Variants in RORA observed in about 807,000 individuals in gnomAD.
RORA encodes nuclear receptor ROR-alpha.
A neutral mutation model predicts 69.5 loss-of-function variants in RORA; 7 were observed. The observed-to-expected ratio is 0.10, with a 90% CI of 0.06 to 0.19. RORA has a LOEUF of 0.19. RORA is among the 10% of genes least tolerant of loss of function. The pLI is 1.00. For missense variants in RORA, 457 were observed against 663.0 expected (o/e 0.69, Z 3.41); for synonymous variants, 261 against 240.8 (o/e 1.08, Z -0.78).
At chr15:60,800,557 G>A (rs2072565349) in intron 1 of RORA, among the ~76,000 whole-genome samples, 1 of 152,196 alleles carries the variant, frequency 6.6e-6, no homozygotes, top group Non-Finnish European at 1.5e-5. Context: ...GGCTGGGACA[G>A]CACTGTGAGA....
At chr15:61,127,823 C>G (rs899538175) in intron 1 of RORA, among the ~76,000 whole-genome samples, 1 of 152,178 alleles carries the variant, frequency 6.6e-6, no homozygotes. Context: ...CCGTCCAGTT[C>G]TCCGGTGAGG....
chr15:60,935,008 T>C (rs956261879), intron 1 of RORA, among the ~76,000 whole-genome samples: 1 of 152,232 alleles, frequency 6.6e-6, no homozygotes, highest in Admixed American at 6.5e-5. Context: ...GCTCATTTAA[T>C]CCACATAATT....
At chr15:60,577,832 G>C (rs1186281735) in intron 2 of RORA, among the ~76,000 whole-genome samples, 1 of 152,068 alleles carries the variant, frequency 6.6e-6, no homozygotes, top group Non-Finnish European at 1.5e-5. Flanking sequence ...CAAAAAGTTA[G>C]CATGAAGAAT....
intron 3 of RORA, among the ~76,000 whole-genome samples, chr15:60,515,376 A>G (rs1032394544): frequency 2.8e-4 from 43 of 152,202 alleles, no homozygotes; most frequent in African/African-American, 9.2e-4. Context: ...GAAATACCAC[A>G]TGTTCAGAAC....
chr15:61,137,353 G>A (rs954653055), intron 1 of RORA, among the ~76,000 whole-genome samples: 2 of 152,122 alleles, frequency 1.3e-5, no homozygotes, highest in African/African-American at 4.8e-5. Context: ...TCTCTCTGGC[G>A]CCCAAAGTGG....
chr15:60,855,766 G>A (rs1018275832), intron 1 of RORA, among the ~76,000 whole-genome samples: 15 of 152,044 alleles, frequency 9.9e-5, no homozygotes, highest in Admixed American at 7.2e-4. Context: ...ACAGGCGCCC[G>A]CCACCACTCC....
intron 8 of RORA, among the ~76,000 whole-genome samples, chr15:60,502,125 C>T (rs901119105): frequency 2.6e-5 from 4 of 152,100 alleles, no homozygotes; most frequent in Non-Finnish European, 5.9e-5. Context: ...GGACTACAGG[C>T]GTGTGCCACC....
intron 1 of RORA, among the ~76,000 whole-genome samples, chr15:60,866,405 T>C (rs2073487414): frequency 6.6e-6 from 1 of 152,256 alleles, no homozygotes; most frequent in Non-Finnish European, 1.5e-5. Flanking sequence ...TTTCTGTTAC[T>C]GAGTTCCTAA....
chr15:60,602,918 C>T (rs2068852940), intron 2 of RORA, among the ~76,000 whole-genome samples: 1 of 152,150 alleles, frequency 6.6e-6, no homozygotes, highest in African/African-American at 2.4e-5. Flanking sequence ...CCCAATATTC[C>T]TCTGTGCCCC....
At chr15:60,951,853 T>C (rs947292701) in intron 1 of RORA, among the ~76,000 whole-genome samples, 35 of 151,904 alleles carry the variant, frequency 2.3e-4, no homozygotes, top group African/African-American at 5.3e-4. Flanking sequence ...CCGAATTCTA[T>C]CAGAGGTACA....
chr15:61,081,048 C>T (rs990771890), intron 1 of RORA, among the ~76,000 whole-genome samples: 25 of 152,156 alleles, frequency 1.6e-4, no homozygotes, highest in Admixed American at 4.6e-4. Flanking sequence ...GTCACAGGGC[C>T]GACGAATTCT....
intron 1 of RORA, among the ~76,000 whole-genome samples, chr15:60,979,292 C>A (rs56350622): frequency 8.1e-6 from 1 of 123,436 alleles, no homozygotes; most frequent in Non-Finnish European, 1.6e-5. Flanking sequence ...TTTTTTTTTT[C>A]CAAGAATATT....
At chr15:60,509,636 A>G (rs1034344565) in intron 5 of RORA, among the ~76,000 whole-genome samples, 1 of 152,232 alleles carries the variant, frequency 6.6e-6, no homozygotes, top group Non-Finnish European at 1.5e-5. Context: ...AGGTGGAGGC[A>G]AACCTAAAGT....
chr15:60,871,328 T>TG (rs1191485766), intron 1 of RORA, among the ~76,000 whole-genome samples: 1 of 152,230 alleles, frequency 6.6e-6, no homozygotes, highest in Non-Finnish European at 1.5e-5. Flanking sequence ...CTGTTAAATT[T>TG]GGAGTTCAGC....
chr15:60,809,180 T>C (rs187525128), intron 1 of RORA, among the ~76,000 whole-genome samples: 25 of 152,138 alleles, frequency 1.6e-4, no homozygotes, highest in African/African-American at 5.8e-4. Flanking sequence ...AAAAATAAAT[T>C]AAAAAATGTA....
chr15:60,491,604 A>G lies in RORA; in HGVS notation c.*5851T>C, dbSNP rs2065041981. The G allele has an allele frequency of 6.6e-6, 1 of 151,372 alleles. No homozygotes were observed. The highest frequency in any genetic ancestry group is 1.5e-5 in the Non-Finnish European group (1 of 67,854). 9.4% of individuals were successfully genotyped at this position (151,372 alleles called of 1,614,324 possible). A position where few individuals can be genotyped will look rare whatever the true frequency, so the allele number is the denominator to read the frequency against. ...GCTCTAAGTTCTGAGGGTTTGGTTG[A>G]ACATGGAGATCCCCCCCGCCCATCT... On this transcript the variant is annotated 3_prime_UTR_variant, in exon 11 of 11. Transcript: ENST00000335670.
intron 1 of RORA, among the ~76,000 whole-genome samples, chr15:60,734,256 G>A (rs892725427): frequency 1.3e-5 from 2 of 152,112 alleles, no homozygotes; most frequent in Non-Finnish European, 2.9e-5. Flanking sequence ...ACAAACCTGA[G>A]TCTCTCCCCA....
At chr15:61,199,062 A>C (rs948084775) in intron 1 of RORA, among the ~76,000 whole-genome samples, 3 of 152,196 alleles carry the variant, frequency 2.0e-5, no homozygotes, top group African/African-American at 7.2e-5. Context: ...CTTCTCTGCG[A>C]AGCCTTAGAA....
chr15:60,720,880 G>A (rs1039808719), intron 1 of RORA, among the ~76,000 whole-genome samples: 5 of 152,022 alleles, frequency 3.3e-5, no homozygotes, highest in African/African-American at 1.2e-4. Flanking sequence ...TATTTCGACT[G>A]GGGGCTTCCT....
Sources: gnomAD v4.1 joint callset for allele counts (sites outside exome capture counted in the v4.1 genomes callset) on GRCh38, gnomAD v4.1.1 for gene constraint, MANE v1.5 for transcripts, NCBI Gene and HGNC (gene_info 2026-07-23, HGNC 2026-07-21) for gene names.